UBE2E2: variants seen among roughly 807,000 people sequenced by gnomAD.
UBE2E2 encodes ubiquitin conjugating enzyme E2 E2, also known as ubiquitin-conjugating enzyme E2 E2.
Under a neutral mutation model 24.7 loss-of-function variants are expected in UBE2E2, and 6 were observed. The observed-to-expected ratio is 0.24, with a 90% confidence interval of 0.13 to 0.48. The LOEUF (loss-of-function observed/expected upper bound fraction) is 0.48, where lower values mean the gene tolerates loss of function less well. Among genes scored for constraint, UBE2E2 ranks in the 20% least tolerant of loss-of-function variants. UBE2E2 has a pLI of 0.99. For missense variants in UBE2E2, 169 were observed against 245.0 expected, an observed-to-expected ratio of 0.69 and a Z score of 2.07; for synonymous variants, 104 against 83.6, an observed-to-expected ratio of 1.24 and a Z score of -1.33.
intron 3 of UBE2E2, among the ~76,000 whole-genome samples, chr3:23,234,349 T>G (rs944259265): frequency 5.9e-5 from 9 of 152,120 alleles, no homozygotes; most frequent in Admixed American, 5.2e-4. Flanking sequence ...TTGGTAAATT[T>G]TGGTTGAGCA....
intron 3 of UBE2E2, among the ~76,000 whole-genome samples, chr3:23,442,355 A>G (rs1358337840): frequency 2.0e-5 from 3 of 151,502 alleles, no homozygotes; most frequent in Non-Finnish European, 2.9e-5. Flanking sequence ...CTCCCACCCA[A>G]CCCCCCAAAA....
chr3:23,507,869 G>A (rs1403174380), intron 4 of UBE2E2, among the ~76,000 whole-genome samples: 2 of 152,190 alleles, frequency 1.3e-5, no homozygotes, highest in Non-Finnish European at 2.9e-5. Context: ...GTTTTGCCAG[G>A]AATCCTCTTT....
chr3:23,308,857 C>G (rs1699303171), intron 3 of UBE2E2, among the ~76,000 whole-genome samples: 1 of 152,164 alleles, frequency 6.6e-6, no homozygotes, highest in Non-Finnish European at 1.5e-5. Flanking sequence ...GCTGACAGTG[C>G]AGCTCTCTCA....
At chr3:23,271,983 G>A (rs905663336) in intron 3 of UBE2E2, among the ~76,000 whole-genome samples, 3 of 152,288 alleles carry the variant, frequency 2.0e-5, no homozygotes, top group East Asian at 3.9e-4. Context: ...TGGATCCCGC[G>A]CCAGGGCCGT....
chr3:23,329,501 A>G (rs536664243), intron 3 of UBE2E2, among the ~76,000 whole-genome samples: 3 of 152,270 alleles, frequency 2.0e-5, no homozygotes, highest in South Asian at 4.1e-4. Context: ...AAATGGTTGT[A>G]AATGAATTGA....
intron 3 of UBE2E2, among the ~76,000 whole-genome samples, chr3:23,285,497 G>A (rs1698595672): frequency 6.6e-6 from 1 of 152,194 alleles, no homozygotes; most frequent in Non-Finnish European, 1.5e-5. Context: ...CACCAACAGT[G>A]TACAAGGATT....
intron 4 of UBE2E2, 106 bp downstream of exon 4, chr3:23,499,846 C>G (rs1032470970): frequency 3.1e-6 from 4 of 1,306,252 alleles, no homozygotes; most frequent in Non-Finnish European, 4.1e-6. Context: ...ATTCTGTTGT[C>G]ACAGACAGCT....
intron 3 of UBE2E2, among the ~76,000 whole-genome samples, chr3:23,226,972 C>CAAAAA (rs920959203): frequency 1.2e-5 from 1 of 81,712 alleles, no homozygotes; most frequent in African/African-American, 4.7e-5. Flanking sequence ...CCATGAAGAC[C>CAAAAA]AAAAAAAAAA....
intron 3 of UBE2E2, among the ~76,000 whole-genome samples, chr3:23,371,885 A>G (rs897099003): frequency 7.9e-5 from 12 of 152,282 alleles, no homozygotes; most frequent in African/African-American, 2.9e-4. Context: ...TGGGAGGCCA[A>G]GGCGGGTGGA....
chr3:23,267,371 A>C (rs1211313026), intron 3 of UBE2E2, among the ~76,000 whole-genome samples: 1 of 152,182 alleles, frequency 6.6e-6, no homozygotes, highest in Non-Finnish European at 1.5e-5. Flanking sequence ...GATAAAGGGG[A>C]TGTCACCACT....
At chr3:23,227,128 G>C (rs1477599661) in intron 3 of UBE2E2, among the ~76,000 whole-genome samples, 1 of 152,154 alleles carries the variant, frequency 6.6e-6, no homozygotes, top group Non-Finnish European at 1.5e-5. Flanking sequence ...ATTGGCAGAA[G>C]TGGATTTGTC....
At chr3:23,331,175 G>A (rs1175525745) in intron 3 of UBE2E2, among the ~76,000 whole-genome samples, 1 of 152,050 alleles carries the variant, frequency 6.6e-6, no homozygotes, top group African/African-American at 2.4e-5. Flanking sequence ...TTGGGTAAGT[G>A]GCACAAACAC....
chr3:23,348,021 G>A (rs1468568241), intron 3 of UBE2E2, among the ~76,000 whole-genome samples: 3 of 152,048 alleles, frequency 2.0e-5, no homozygotes, highest in African/African-American at 4.8e-5. Context: ...AAAAGAAGGG[G>A]TTCATAAGCA....
At chr3:23,217,357 G>C (rs373193048) in intron 3 of UBE2E2, 45 bp downstream of exon 3, 176 of 1,569,030 alleles carry the variant, frequency 1.1e-4, no homozygotes, top group Non-Finnish European at 1.4e-4. Context: ...TTTGCAGAAG[G>C]TGCATTTGAA....
At chr3:23,574,868 C>A (rs1696311256) in intron 5 of UBE2E2, among the ~76,000 whole-genome samples, 1 of 152,188 alleles carries the variant, frequency 6.6e-6, no homozygotes, top group Non-Finnish European at 1.5e-5. Flanking sequence ...GCAGCTGTTG[C>A]TTGTTACCAA....
intron 5 of UBE2E2, among the ~76,000 whole-genome samples, chr3:23,584,926 A>G (rs926106492): frequency 2.0e-5 from 3 of 152,000 alleles, no homozygotes; most frequent in South Asian, 4.1e-4. Flanking sequence ...GTTGACAGGT[A>G]TGTACTCTTT....
chr3:23,396,318 T>TATATAC (rs61381380), intron 3 of UBE2E2, among the ~76,000 whole-genome samples: 2 of 131,452 alleles, frequency 1.5e-5, no homozygotes, highest in Non-Finnish European at 3.3e-5. Context: ...TATATATATA[T>TATATAC]GTATATATAT....
intron 3 of UBE2E2, among the ~76,000 whole-genome samples, chr3:23,220,798 C>T (rs1056918993): frequency 1.3e-5 from 2 of 152,160 alleles, no homozygotes; most frequent in African/African-American, 4.8e-5. Flanking sequence ...AGATTCACTG[C>T]CCCTTATAAA....
At chr3:23,250,466 A>C (rs1188752141) in intron 3 of UBE2E2, among the ~76,000 whole-genome samples, 1 of 152,154 alleles carries the variant, frequency 6.6e-6, no homozygotes, top group Admixed American at 6.5e-5. Context: ...CTCACTTCTA[A>C]CTTCATATCA....
Sources: allele counts gnomAD v4.1 joint callset (sites outside exome capture counted in the v4.1 genomes callset), GRCh38; gene constraint gnomAD v4.1.1; transcripts MANE v1.5; gene names NCBI Gene and HGNC (gene_info 2026-07-23, HGNC 2026-07-21).